The following WARS2 variants were observed in gnomAD, a reference collection of about 807,000 sequenced individuals.
WARS2 encodes tryptophanyl tRNA synthetase 2, mitochondrial.
In WARS2, 28 loss-of-function variants were observed where a neutral mutation model predicts 36.5. That is an observed-to-expected ratio of 0.77 (90% CI 0.57 to 1.05). The LOEUF (loss-of-function observed/expected upper bound fraction) is 1.05. Among genes scored for constraint, WARS2 ranks in the 50% least tolerant of loss-of-function variants. The probability of loss-of-function intolerance (pLI) is 0.00; values close to 1 mark genes in which losing one functional copy is unlikely to be tolerated. For synonymous variants in WARS2, 174 were observed against 178.4 expected (o/e 0.98, Z 0.20); for missense variants, 435 against 456.8 (o/e 0.95, Z 0.44).
intron 1 of WARS2, among the ~76,000 whole-genome samples, chr1:119,139,184 G>A (rs1656750022): frequency 6.6e-6 from 1 of 152,094 alleles, no homozygotes; most frequent in African/African-American, 2.4e-5. Context: ...AGGAATTTTT[G>A]ATAAATTTAT....
chr1:119,081,886 C>T (rs1369144056), intron 1 of WARS2, among the ~76,000 whole-genome samples: 1 of 152,156 alleles, frequency 6.6e-6, no homozygotes, highest in East Asian at 1.9e-4. Context: ...CATTGTTCTG[C>T]TACAGTCAGC....
At chr1:119,130,805 TATA>T (rs1656048322) in intron 1 of WARS2, among the ~76,000 whole-genome samples, 1 of 152,170 alleles carries the variant, frequency 6.6e-6, no homozygotes, top group Non-Finnish European at 1.5e-5. Flanking sequence ...AAATCTTTAT[TATA>T]ATAACTCATT....
chr1:119,106,823 C>T (rs921917530), intron 1 of WARS2, among the ~76,000 whole-genome samples: 1 of 152,126 alleles, frequency 6.6e-6, no homozygotes, highest in Admixed American at 6.5e-5. Context: ...TGGTGAACAC[C>T]AAGGAGCATG....
rs891054146 is a variant in WARS2, at chr1:119,032,267, A to C, written c.*644T>G. On this transcript the variant is annotated 3_prime_UTR_variant, in exon 6 of 6. Transcript: ENST00000235521. ...GGACTTGGGCTCTTGTACAATAAAT[A>C]AATCAGGTCAAAATAATGCAACCTC... The C allele has an allele frequency of 6.6e-6, 1 of 152,226 alleles. No individual in the cohort carries two copies. The allele number at this position is 152,226 out of a possible 1,614,324, so 9.4% of individuals were successfully genotyped here. A position where few individuals can be genotyped will look rare whatever the true frequency, so the allele number is the denominator to read the frequency against.
At chr1:119,045,497 G>A in intron 3 of WARS2, 85 bp downstream of exon 3, 3 of 1,139,530 alleles carry the variant, frequency 2.6e-6, no homozygotes, top group Non-Finnish European at 3.9e-6. Flanking sequence ...GACCAGGGAG[G>A]AGAGTAAACT....
chr1:119,102,400 G>A (rs914527316), intron 1 of WARS2, among the ~76,000 whole-genome samples: 1 of 152,018 alleles, frequency 6.6e-6, no homozygotes, highest in Non-Finnish European at 1.5e-5. Context: ...TTTCTACTTC[G>A]TACTTGCAAA....
At chr1:119,099,789 T>G (rs1653726571) in intron 1 of WARS2, among the ~76,000 whole-genome samples, 1 of 152,138 alleles carries the variant, frequency 6.6e-6, no homozygotes, top group Non-Finnish European at 1.5e-5. Flanking sequence ...TCTTACCATA[T>G]ACAGAAATCA....
intron 1 of WARS2, chr1:119,085,127 G>C (rs1054469232): frequency 3.8e-6 from 3 of 782,778 alleles, no homozygotes; most frequent in Non-Finnish European, 7.1e-6. Flanking sequence ...AACGCCCGTT[G>C]TACGGGCTAG....
chr1:119,035,598 C>T (rs1647810864), intron 4 of WARS2, among the ~76,000 whole-genome samples: 1 of 151,892 alleles, frequency 6.6e-6, no homozygotes, highest in South Asian at 2.1e-4. Flanking sequence ...TATAGAGAAC[C>T]TTGATGAGGG....
At chr1:119,044,301 G>T (rs945028869) in intron 3 of WARS2, among the ~76,000 whole-genome samples, 1 of 152,158 alleles carries the variant, frequency 6.6e-6, no homozygotes, top group Admixed American at 6.5e-5. Flanking sequence ...TATACTAGCA[G>T]GAGATCTTTA....
intron 2 of WARS2, among the ~76,000 whole-genome samples, chr1:119,049,196 C>A (rs116727258): frequency 0.013 from 2,030 of 152,312 alleles, 31 homozygotes; most frequent in African/African-American, 0.043. Context: ...GGGCAGCACA[C>A]CAGCGGGCCA....
intron 2 of WARS2, among the ~76,000 whole-genome samples, chr1:119,071,761 A>G (rs35189013): frequency 0.03 from 4,498 of 152,312 alleles, 93 homozygotes; most frequent in Middle Eastern, 0.058. Context: ...TATGGTGACC[A>G]TAGTTAATAA....
At chr1:119,120,177 GA>G (rs1165328007) in intron 1 of WARS2, among the ~76,000 whole-genome samples, 1 of 151,804 alleles carries the variant, frequency 6.6e-6, no homozygotes, top group Non-Finnish European at 1.5e-5. Context: ...TAACCAAGAA[GA>G]AAGAAGATCC....
At chr1:119,129,922 A>G (rs1047700941) in intron 1 of WARS2, among the ~76,000 whole-genome samples, 3 of 152,340 alleles carry the variant, frequency 2.0e-5, no homozygotes, top group Middle Eastern at 3.4e-3. Context: ...TTGGCTATAT[A>G]GATATAAAAT....
At chr1:119,102,560 A>G (rs1553246356) in intron 1 of WARS2, among the ~76,000 whole-genome samples, 2 of 152,026 alleles carry the variant, frequency 1.3e-5, no homozygotes, top group Non-Finnish European at 2.9e-5. Context: ...TCCATCTTTA[A>G]TCTTTAACTC....
intron 2 of WARS2, among the ~76,000 whole-genome samples, chr1:119,071,229 G>C (rs1041372872): frequency 6.6e-6 from 1 of 152,140 alleles, no homozygotes; most frequent in African/African-American, 2.4e-5. Flanking sequence ...GGGAACCCAT[G>C]CACACTGTTG....
chr1:119,089,358 TAACTC>T (rs1462320387), intron 1 of WARS2, among the ~76,000 whole-genome samples: 1 of 152,178 alleles, frequency 6.6e-6, no homozygotes, highest in Non-Finnish European at 1.5e-5. Context: ...CTCAGGTTGT[TAACTC>T]AGCCTTATAG....
chr1:119,107,261 C>T (rs1269164211), intron 1 of WARS2, among the ~76,000 whole-genome samples: 1 of 152,050 alleles, frequency 6.6e-6, no homozygotes, highest in African/African-American at 2.4e-5. Flanking sequence ...GGTTTGACTT[C>T]TCATTTTCTT....
intron 1 of WARS2, among the ~76,000 whole-genome samples, chr1:119,094,453 G>GT (rs764810130): frequency 1.1e-3 from 158 of 145,180 alleles, no homozygotes; most frequent in Middle Eastern, 7.0e-3. Flanking sequence ...ATATGTGTTT[G>GT]TTTTTTTTTT....
Sources: gnomAD v4.1 joint callset for allele counts (sites outside exome capture counted in the v4.1 genomes callset) on GRCh38, gnomAD v4.1.1 for gene constraint, MANE v1.5 for transcripts, NCBI Gene and HGNC (gene_info 2026-07-23, HGNC 2026-07-21) for gene names.